DMD: variants seen among roughly 807,000 people sequenced by gnomAD.
The protein encoded by DMD is mutant dystrophin.
A neutral mutation model predicts 330.1 loss-of-function variants in DMD; 63 were observed. The ratio of observed to expected loss-of-function variants is 0.19; its 90% confidence interval spans 0.16 to 0.24. The LOEUF is 0.24. Ranked by LOEUF, DMD falls within the 10% of genes least tolerant of loss-of-function variation. DMD has a pLI of 1.00. For missense variants in DMD, 3,344 were observed against 2,684.1 expected (o/e 1.25, Z -5.43); for synonymous variants, 1,223 against 959.8 (o/e 1.27, Z -5.07).
At chrX:31,904,254 C>CA (rs894653667) in intron 47 of DMD, among the ~76,000 whole-genome samples, 5 of 111,388 alleles carry the variant, frequency 4.5e-5, no homozygotes, top group East Asian at 2.8e-4. Context: ...TCTAATTATA[C>CA]AAAAAAATTA....
At chrX:31,498,103 C>T (rs552743383) in intron 56 of DMD, among the ~76,000 whole-genome samples, 2 of 111,902 alleles carry the variant, frequency 1.8e-5, no homozygotes, top group Admixed American at 1.9e-4. Flanking sequence ...TTTGACAATA[C>T]ATAAAAGTCT....
At chrX:33,112,288 A>G (rs181370500) in intron 1 of DMD, among the ~76,000 whole-genome samples, 2 of 111,501 alleles carry the variant, frequency 1.8e-5, no homozygotes. Flanking sequence ...TATAAGAAAC[A>G]TAATATATAC....
chrX:32,903,144 CAAAAA>C lies in DMD; in HGVS notation c.94-53329_94-53325del, dbSNP rs34973696. Among the ~76,000 whole-genome samples the C allele has an allele frequency of 5.5e-4, 18 of 32,993 alleles. 1 individual carries two copies. The South Asian group carries it at 0.077, about 140-fold the overall frequency. 28.7% of individuals were successfully genotyped at this position (32,993 alleles called of 115,157 possible). A position where few individuals can be genotyped will look rare whatever the true frequency, so the allele number is the denominator to read the frequency against. On this transcript the variant is annotated intron_variant, in intron 2 of 78. Coordinates refer to ENST00000357033, the MANE Select transcript of DMD (RefSeq NM_004006.3). ...TGGGCGACAGAGTGAGACTCAGTCTCAAAAAAAAAAAAAAAAAAAAAGAAACTAAA... is the reference window on the plus strand; with the variant it reads ...TGGGCGACAGAGTGAGACTCAGTCTCAAAAAAAAAAAAAAAAGAAACTAAA...
At chrX:32,803,252 C>A (rs1484888386) in intron 7 of DMD, among the ~76,000 whole-genome samples, 2 of 111,325 alleles carry the variant, frequency 1.8e-5, no homozygotes, top group Non-Finnish European at 3.8e-5. Flanking sequence ...AGTTTATTTG[C>A]GTGGAGATGT....
intron 44 of DMD, among the ~76,000 whole-genome samples, chrX:32,133,555 A>C (rs1469058052): frequency 9.0e-6 from 1 of 111,458 alleles, no homozygotes; most frequent in Non-Finnish European, 1.9e-5. Context: ...TGTCTAACAG[A>C]TATCCAAATT....
chrX:31,198,044 A>C (rs906470044), intron 67 of DMD, among the ~76,000 whole-genome samples: 7 of 104,669 alleles, frequency 6.7e-5, no homozygotes, highest in African/African-American at 2.5e-4. Flanking sequence ...AAAAAAAAAA[A>C]AATTGAACTC....
chrX:32,379,168 TTATTCTA>T (rs1207597797), intron 34 of DMD, among the ~76,000 whole-genome samples: 1 of 110,488 alleles, frequency 9.1e-6, no homozygotes, highest in Non-Finnish European at 1.9e-5. Context: ...TAAATTATCT[TTATTCTA>T]TAAAGAAAGA....
chrX:32,647,058 C>T (rs757572106), intron 9 of DMD, among the ~76,000 whole-genome samples: 1 of 111,290 alleles, frequency 9.0e-6, no homozygotes, highest in South Asian at 3.8e-4. Flanking sequence ...GATATAAAGG[C>T]AGCCTGAGAG....
intron 61 of DMD, among the ~76,000 whole-genome samples, chrX:31,333,968 C>T (rs79812679): frequency 0.037 from 4,085 of 110,228 alleles, 89 homozygotes; most frequent in Non-Finnish European, 0.059. Flanking sequence ...AGTCTTGCTC[C>T]GTCACCCAGG....
At chrX:31,701,758 G>C (rs932460145) in intron 52 of DMD, among the ~76,000 whole-genome samples, 9 of 112,623 alleles carry the variant, frequency 8.0e-5, no homozygotes, top group African/African-American at 2.6e-4. Context: ...AGGATGGTTT[G>C]TGTATGAGCA....
At chrX:32,511,524 GA>G (rs67754841) in intron 18 of DMD, among the ~76,000 whole-genome samples, 4,192 of 49,828 alleles carry the variant, frequency 0.084, 491 homozygotes, top group African/African-American at 0.3. Flanking sequence ...TCCGTCTCGG[GA>G]AAAAAAAAAA....
chrX:33,291,786 A>G (rs1201272518), intron 1 of DMD, among the ~76,000 whole-genome samples: 1 of 111,129 alleles, frequency 9.0e-6, no homozygotes, highest in African/African-American at 3.3e-5. Context: ...ATATTTTTCA[A>G]TAGTTTCTGG....
chrX:33,149,690 T>C (rs971734389), intron 1 of DMD, among the ~76,000 whole-genome samples: 1 of 111,713 alleles, frequency 9.0e-6, no homozygotes, highest in Admixed American at 9.6e-5. Context: ...CTAGAGTCAA[T>C]AGATCTAGTT....
At chrX:31,863,293 A>C (rs1414410864) in intron 48 of DMD, among the ~76,000 whole-genome samples, 2 of 112,449 alleles carry the variant, frequency 1.8e-5, no homozygotes. Context: ...CAGTGAGCTG[A>C]GATCACGCCA....
intron 12 of DMD, among the ~76,000 whole-genome samples, chrX:32,604,941 T>A (rs950237094): frequency 3.6e-5 from 4 of 111,065 alleles, no homozygotes; most frequent in African/African-American, 1.3e-4. Context: ...TGCTCATGGA[T>A]TGGGAGCATC....
chrX:32,055,195 T>C (rs751478588), intron 44 of DMD, among the ~76,000 whole-genome samples: 1 of 111,337 alleles, frequency 9.0e-6, no homozygotes, highest in African/African-American at 3.3e-5. Flanking sequence ...ATCTCCTCAT[T>C]CATAAGATGA....
chrX:32,856,983 G>A (rs1450241230), intron 2 of DMD, among the ~76,000 whole-genome samples: 3 of 109,964 alleles, frequency 2.7e-5, no homozygotes, highest in Non-Finnish European at 3.8e-5. Context: ...GCTGAGGCAG[G>A]AGAACGGCGT....
intron 60 of DMD, among the ~76,000 whole-genome samples, chrX:31,438,689 G>A (rs919928067): frequency 2.7e-5 from 3 of 111,069 alleles, no homozygotes; most frequent in African/African-American, 6.5e-5. Context: ...GTGATAGGCC[G>A]ACATTATTTG....
At chrX:31,390,488 C>T (rs1194057345) in intron 60 of DMD, among the ~76,000 whole-genome samples, 1 of 110,764 alleles carries the variant, frequency 9.0e-6, no homozygotes, top group Non-Finnish European at 1.9e-5. Flanking sequence ...TAAAACTGAA[C>T]TGTTGATCTT....
Sources: gnomAD v4.1 joint callset for allele counts (sites outside exome capture counted in the v4.1 genomes callset) on GRCh38, gnomAD v4.1.1 for gene constraint, MANE v1.5 for transcripts, NCBI Gene and HGNC (gene_info 2026-07-23, HGNC 2026-07-21) for gene names.